Variants in NLK observed in about 807,000 individuals in gnomAD.
The protein encoded by NLK is nemo like kinase, also known as serine/threonine-protein kinase NLK.
In NLK, 11 loss-of-function variants were observed where a neutral mutation model predicts 59.0. The observed-to-expected ratio is 0.19, with a 90% CI of 0.12 to 0.31. The LOEUF is 0.31. Among genes scored for constraint, NLK ranks in the 10% least tolerant of loss-of-function variants. The pLI, the probability that NLK is intolerant of heterozygous loss-of-function variation, is 1.00. For missense variants in NLK, 410 were observed against 661.1 expected (o/e 0.62, Z 4.16); for synonymous variants, 235 against 235.9 (o/e 1.00, Z 0.03).
chr17:28,203,605 C>T, the NLK span, among the ~76,000 whole-genome samples: 2 of 152,090 alleles, frequency 1.3e-5, no homozygotes, highest in South Asian at 2.1e-4. Context: ...GGCACAATCT[C>T]GGCTCAATGC....
Position 28,043,027 on chromosome 17 carries a change from C to A in NLK, c.154C>A (p.His52Asn). 1 of 1,556,362 alleles carries A rather than the reference C, an allele frequency of 6.4e-7. No individual in the cohort carries two copies. Among genetic ancestry groups the A allele is most frequent in the South Asian group, 1.2e-5 (1 of 84,830 alleles). ...HLHHHHHPQHHLHPGSAAAVH... is the reference protein window; with the variant it reads ...HLHHHHHPQHNLHPGSAAAVH... Reference sequence around the variant, plus strand: ...GCACCACCACCACCACCCTCAACACCATCTTCATCCGGGGTCGGCTGCCGC... The same window carrying A: ...GCACCACCACCACCACCCTCAACACAATCTTCATCCGGGGTCGGCTGCCGC... The change falls in exon 1 of 11, where the codon CAT (histidine) becomes AAT (asparagine). Residue 52 changes from histidine to asparagine, a missense_variant. His to Asn is a moderately conservative substitution (Grantham distance 68). Around this residue, in one of 5 missense-constraint regions of NLK, gnomAD observed 160 missense variants for 171.0 expected, o/e 0.94. Transcript: ENST00000407008.
chr17:28,141,319 C>G (rs1040718467), intron 3 of NLK, among the ~76,000 whole-genome samples: 6 of 152,170 alleles, frequency 3.9e-5, no homozygotes, highest in African/African-American at 1.4e-4. Context: ...TTCTTCAGAA[C>G]TGTTTCTTTT....
intron 3 of NLK, among the ~76,000 whole-genome samples, chr17:28,146,555 A>G (rs1023825929): frequency 1.3e-5 from 2 of 152,192 alleles, no homozygotes; most frequent in African/African-American, 4.8e-5. Context: ...CAGAGAAGTT[A>G]TTTAACTTGC....
intron 1 of NLK, chr17:28,048,754 C>T (rs1294236157): frequency 3.9e-5 from 6 of 152,182 alleles, no homozygotes; most frequent in South Asian, 4.1e-4. Flanking sequence ...TATTCTTGGT[C>T]GTTTTTATTA....
chr17:28,055,606 A>G (rs879372063), intron 1 of NLK, among the ~76,000 whole-genome samples: 1 of 152,132 alleles, frequency 6.6e-6, no homozygotes, highest in Non-Finnish European at 1.5e-5. Context: ...CAGCCTCCCA[A>G]GTAGCTGGGA....
chr17:28,127,881 T>C (rs113416922), intron 2 of NLK, among the ~76,000 whole-genome samples: 62 of 152,206 alleles, frequency 4.1e-4, no homozygotes, highest in African/African-American at 1.5e-3. Context: ...CAACAGAAGG[T>C]ATAAAGCACA....
intron 1 of NLK, among the ~76,000 whole-genome samples, chr17:28,108,395 T>TTA (rs1300041252): frequency 6.6e-6 from 1 of 152,104 alleles, no homozygotes; most frequent in African/African-American, 2.4e-5. Context: ...ATGTTAGCTA[T>TTA]TATATAAAAA....
At chr17:28,046,430 A>G (rs893566579) in intron 1 of NLK, among the ~76,000 whole-genome samples, 1 of 152,230 alleles carries the variant, frequency 6.6e-6, no homozygotes, top group African/African-American at 2.4e-5. Flanking sequence ...AACCTGAGAT[A>G]ACATTTGTTG....
At chr17:28,167,495 C>G (rs1908286698) in intron 5 of NLK, among the ~76,000 whole-genome samples, 1 of 151,982 alleles carries the variant, frequency 6.6e-6, no homozygotes, top group Non-Finnish European at 1.5e-5. Flanking sequence ...CTCTCAATCC[C>G]TGGGATTACG....
In NLK at chr17:28,095,650, A is replaced by T. The variant is rs1029717053; in HGVS notation, c.459-26953A>T. On this transcript the variant is annotated intron_variant, in intron 1 of 10. Transcript: ENST00000407008. The stretch of plus-strand genomic sequence containing the variant: ...TATGATTCCAGATTTCTGCAATTAC[A>T]ATATATATATTTGAAATGATTATTC... Among the ~76,000 whole-genome samples, 18 of 152,198 alleles carry T rather than the reference A, an allele frequency of 1.2e-4. 1 individual carries two copies. Among genetic ancestry groups the T allele is most frequent in the Admixed American group, 1.0e-3 (16 of 15,280 alleles).
At chr17:28,113,277 C>T (rs978182904) in intron 1 of NLK, among the ~76,000 whole-genome samples, 16 of 152,120 alleles carry the variant, frequency 1.1e-4, no homozygotes, top group Non-Finnish European at 2.1e-4. Context: ...GTCCCCTGTG[C>T]CCTCTGGATC....
chr17:28,201,403 A>T, the NLK span, among the ~76,000 whole-genome samples: 1 of 140,558 alleles, frequency 7.1e-6, no homozygotes, highest in African/African-American at 2.7e-5. Flanking sequence ...TTTTTTTTTA[A>T]AGAGACAGGA....
chr17:28,142,432 T>G (rs1907042359), intron 3 of NLK, among the ~76,000 whole-genome samples: 1 of 152,232 alleles, frequency 6.6e-6, no homozygotes, highest in South Asian at 2.1e-4. Flanking sequence ...GGTCAGTGAT[T>G]CTAATTGAAG....
rs1435168683 is a variant in NLK at position 28,196,100 on chromosome 17, A to G, written c.*1464A>G. On this transcript the variant is annotated 3_prime_UTR_variant, in exon 11 of 11. Coordinates refer to ENST00000407008, the MANE Select transcript of NLK (RefSeq NM_016231.5). ...TGTTTGGAAGTTTTAACTTCAATGA[A>G]GTAATTATTTGCTGTGAAAGAAACA... is the stretch of plus-strand genomic sequence containing the variant. The G allele has an allele frequency of 1.3e-5, 2 of 152,664 alleles. No individual in the cohort carries two copies. The highest frequency in any genetic ancestry group is 4.8e-5 in the African/African-American group (2 of 41,464). 9.5% of individuals were successfully genotyped at this position (152,664 alleles called of 1,614,324 possible).
At chr17:28,083,136 C>T (rs1910403691) in intron 1 of NLK, among the ~76,000 whole-genome samples, 1 of 152,126 alleles carries the variant, frequency 6.6e-6, no homozygotes, top group Non-Finnish European at 1.5e-5. Context: ...GTTATGAGCA[C>T]CTGTGAAGCA....
intron 6 of NLK, among the ~76,000 whole-genome samples, chr17:28,169,782 G>A (rs1908391719): frequency 6.7e-6 from 1 of 149,312 alleles, no homozygotes; most frequent in South Asian, 2.1e-4. Flanking sequence ...AATGAAGTAG[G>A]AAAGCTGAAA....
chr17:28,081,756 A>G (rs1910353824), intron 1 of NLK, among the ~76,000 whole-genome samples: 1 of 152,182 alleles, frequency 6.6e-6, no homozygotes, highest in Admixed American at 6.5e-5. Flanking sequence ...TGACATCTCC[A>G]AGCAAATTCC....
chr17:28,180,325 T>G (rs1019530873), intron 7 of NLK, among the ~76,000 whole-genome samples: 1 of 152,232 alleles, frequency 6.6e-6, no homozygotes. Context: ...TTAAAAATTC[T>G]GCCTTTTAAT....
At chr17:28,113,118 C>T (rs1239230037) in intron 1 of NLK, among the ~76,000 whole-genome samples, 1 of 152,136 alleles carries the variant, frequency 6.6e-6, no homozygotes, top group Non-Finnish European at 1.5e-5. Context: ...GAAAATTAAG[C>T]TGGGCAGTTT....
Sources: gnomAD v4.1 joint callset for allele counts (sites outside exome capture counted in the v4.1 genomes callset) on GRCh38, gnomAD v4.1.1 for gene constraint, gnomAD v4.1.1 regional missense constraint, MANE v1.5 for transcripts, NCBI Gene and HGNC (gene_info 2026-07-23, HGNC 2026-07-21) for gene names.